The following FNBP1 variants were observed in gnomAD, a reference collection of about 807,000 sequenced individuals.
FNBP1 encodes formin-binding protein 1.
In FNBP1, 26 loss-of-function variants were observed where a neutral mutation model predicts 90.6. The observed-to-expected ratio is 0.29, with a 90% CI of 0.21 to 0.40. The LOEUF is 0.40. Ranked by LOEUF, FNBP1 falls within the 10% of genes least tolerant of loss-of-function variation. The pLI is 1.00. For synonymous variants in FNBP1, 260 were observed against 265.2 expected (o/e 0.98, Z 0.19); for missense variants, 635 against 768.0 (o/e 0.83, Z 2.05).
intron 1 of FNBP1, among the ~76,000 whole-genome samples, chr9:130,027,626 T>C (rs943974520): frequency 6.6e-6 from 1 of 152,072 alleles, no homozygotes; most frequent in Admixed American, 6.6e-5. Context: ...AGGGACAACT[T>C]TTCTCTGCTC....
intron 6 of FNBP1, among the ~76,000 whole-genome samples, chr9:129,949,143 G>C (rs1383511863): frequency 1.3e-5 from 2 of 152,020 alleles, no homozygotes. Flanking sequence ...AACATGTACT[G>C]CTTCTTGTAC....
At chr9:129,930,370 C>T (rs2042554808) in intron 6 of FNBP1, among the ~76,000 whole-genome samples, 1 of 152,018 alleles carries the variant, frequency 6.6e-6, no homozygotes, top group Admixed American at 6.6e-5. Flanking sequence ...GCTGGGAAAT[C>T]CATGAATTTT....
chr9:130,025,036 C>T (rs527523617), intron 1 of FNBP1, among the ~76,000 whole-genome samples: 3 of 152,066 alleles, frequency 2.0e-5, no homozygotes, highest in African/African-American at 4.8e-5. Context: ...AAAAATTAGC[C>T]GGGCGTGGTG....
chr9:130,014,396 T>A (rs925282721), intron 1 of FNBP1, among the ~76,000 whole-genome samples: 3 of 151,806 alleles, frequency 2.0e-5, no homozygotes, highest in African/African-American at 7.3e-5. Flanking sequence ...GGAATACAGG[T>A]GCACGCCACC....
chr9:129,994,931 T>A lies in FNBP1; in HGVS notation c.52A>T (p.Thr18Ser), dbSNP rs1564527789. ...TCAAGAATATCAATTCCCCACTGTG[T>A]GTGTTTTTCTAAGTTGTCAAACTGA... ...WDQFDNLEKH[T>S]QWGIDILEKY... Residue 18 changes from threonine (T) to serine (S), a missense_variant, in exon 2 of 17, where the codon ACA becomes TCA. Physicochemically the swap from Thr to Ser is moderately conservative, Grantham distance 58 (BLOSUM62 1). Coordinates refer to ENST00000446176, the MANE Select transcript of FNBP1 (RefSeq NM_015033.3). 6.2e-7 allele frequency: 1 copy of A among 1,600,462 alleles called. No individual in the cohort carries two copies. Among genetic ancestry groups the A allele is most frequent in the African/African-American group, 1.3e-5 (1 of 74,770 alleles).
intron 12 of FNBP1, among the ~76,000 whole-genome samples, chr9:129,903,342 G>A (rs1439383547): frequency 1.3e-5 from 2 of 151,948 alleles, no homozygotes; most frequent in East Asian, 1.9e-4. Flanking sequence ...GTGAGCTACC[G>A]CACCACCCGG....
chr9:130,024,892 C>T (rs2058188465), intron 1 of FNBP1, among the ~76,000 whole-genome samples: 1 of 152,154 alleles, frequency 6.6e-6, no homozygotes, highest in Non-Finnish European at 1.5e-5. Flanking sequence ...GTTCAGCAAA[C>T]TACTCCCTGA....
chr9:129,987,788 AC>A (rs1449221640), intron 2 of FNBP1, among the ~76,000 whole-genome samples: 2 of 152,080 alleles, frequency 1.3e-5, no homozygotes, highest in African/African-American at 4.8e-5. Flanking sequence ...GGTATGAGCC[AC>A]CGTGCCTGGC....
rs931551524 is a variant in FNBP1, at chr9:129,887,472, A to G, written c.*3067T>C. 5.9e-5 allele frequency: 12 copies of G among 202,028 alleles called. No individual in the cohort carries two copies. Among genetic ancestry groups the G allele is most frequent in the Non-Finnish European group, 1.1e-4 (11 of 98,218 alleles). The allele number at this position is 202,028 out of a possible 1,614,324, so 12.5% of individuals were successfully genotyped here. ...GATATAAGCACAGGAGGCAGAGCCA[A>G]TAAGAAACATGAAACCAATATTTCT... On this transcript the variant is annotated 3_prime_UTR_variant, in exon 17 of 17. Coordinates refer to ENST00000446176, the MANE Select transcript of FNBP1 (RefSeq NM_015033.3).
intron 6 of FNBP1, among the ~76,000 whole-genome samples, chr9:129,935,300 A>C (rs528843157): frequency 7.9e-5 from 12 of 151,812 alleles, no homozygotes; most frequent in African/African-American, 2.4e-4. Flanking sequence ...GGCCTGTTTA[A>C]TTCAATATTA....
chr9:130,046,388 A>C (rs1375689279), upstream of FNBP1, among the ~76,000 whole-genome samples: 1 of 151,708 alleles, frequency 6.6e-6, no homozygotes, highest in Non-Finnish European at 1.5e-5. Flanking sequence ...CTCTATTAAA[A>C]CTCCAAAAAA....
intron 6 of FNBP1, among the ~76,000 whole-genome samples, chr9:129,937,645 C>T (rs1003252572): frequency 1.3e-5 from 2 of 151,582 alleles, no homozygotes; most frequent in African/African-American, 4.8e-5. Flanking sequence ...GCACGAGAAT[C>T]GCTTGAACCC....
intron 2 of FNBP1, among the ~76,000 whole-genome samples, chr9:129,986,758 C>G (rs749082324): frequency 1.2e-4 from 18 of 151,840 alleles, no homozygotes; most frequent in Admixed American, 2.6e-4. Context: ...CCATTGCACT[C>G]CAGCCTGGGT....
chr9:129,947,939 A>G (rs561879282), intron 6 of FNBP1, among the ~76,000 whole-genome samples: 2 of 151,638 alleles, frequency 1.3e-5, no homozygotes, highest in East Asian at 3.9e-4. Flanking sequence ...ATTTTTTAAA[A>G]GATAAGTCCA....
intron 1 of FNBP1, among the ~76,000 whole-genome samples, chr9:130,017,275 C>T (rs1196165700): frequency 6.6e-6 from 1 of 152,094 alleles, no homozygotes; most frequent in Admixed American, 6.6e-5. Context: ...TGTTTATATA[C>T]CTATAAACCT....
chr9:129,955,629 G>A (rs1376787967), intron 6 of FNBP1, among the ~76,000 whole-genome samples: 4 of 151,932 alleles, frequency 2.6e-5, no homozygotes, highest in African/African-American at 9.7e-5. Context: ...GCTGAGGCAG[G>A]AGGATCACTT....
At chr9:129,895,213 G>A (rs565533265) in intron 16 of FNBP1, 19 of 1,018,224 alleles carry the variant, frequency 1.9e-5, no homozygotes, top group Middle Eastern at 4.3e-4. Context: ...CAGGGTACTC[G>A]TGATGCCCTA....
intron 1 of FNBP1, among the ~76,000 whole-genome samples, chr9:130,026,803 A>C (rs1412040853): frequency 6.6e-6 from 1 of 151,738 alleles, no homozygotes; most frequent in Non-Finnish European, 1.5e-5. Context: ...AAAACAAAAA[A>C]CAAAACACAA....
intron 4 of FNBP1, among the ~76,000 whole-genome samples, chr9:129,972,317 A>T (rs1040200551): frequency 2.0e-5 from 3 of 151,824 alleles, no homozygotes; most frequent in African/African-American, 7.3e-5. Context: ...TATTTTTAGT[A>T]AAGATGGGGT....
Sources: gnomAD v4.1 joint callset for allele counts (sites outside exome capture counted in the v4.1 genomes callset) on GRCh38, gnomAD v4.1.1 for gene constraint, MANE v1.5 for transcripts, NCBI Gene and HGNC (gene_info 2026-07-23, HGNC 2026-07-21) for gene names.